The following ACTL8 variants were observed in gnomAD, a reference collection of about 807,000 sequenced individuals.
The protein encoded by ACTL8 is actin like 8.
In ACTL8, 3 loss-of-function variants were observed where a neutral mutation model predicts 9.3. That is an observed-to-expected ratio of 0.32 (90% CI 0.15 to 0.83). ACTL8 has a LOEUF of 0.83. ACTL8 is among the 40% of genes least tolerant of loss of function. The pLI, the probability that ACTL8 is intolerant of heterozygous loss-of-function variation, is 0.57. For missense variants in ACTL8, 381 were observed against 492.2 expected, an observed-to-expected ratio of 0.77 and a Z score of 2.14; for synonymous variants, 224 against 205.9, an observed-to-expected ratio of 1.09 and a Z score of -0.75.
intron 1 of ACTL8, among the ~76,000 whole-genome samples, chr1:17,805,377 C>CTTTTTCT (rs2066352200): frequency 1.0e-5 from 1 of 100,196 alleles, no homozygotes; most frequent in Non-Finnish European, 2.0e-5. Flanking sequence ...TTTTCTTTTT[C>CTTTTTCT]TTTTTTTTTT....
intron 1 of ACTL8, among the ~76,000 whole-genome samples, chr1:17,780,963 T>G (rs1210869431): frequency 6.6e-6 from 1 of 152,126 alleles, no homozygotes; most frequent in Non-Finnish European, 1.5e-5. Flanking sequence ...ATGACCACAA[T>G]CTGAATGGCT....
At chr1:17,757,919 G>A (rs922628182) in intron 1 of ACTL8, among the ~76,000 whole-genome samples, 1 of 152,196 alleles carries the variant, frequency 6.6e-6, no homozygotes, top group Non-Finnish European at 1.5e-5. Flanking sequence ...TGCAGTTAAT[G>A]AGGGTTGTGA....
At chr1:17,803,207 C>A (rs111263896) in intron 1 of ACTL8, among the ~76,000 whole-genome samples, 1 of 151,566 alleles carries the variant, frequency 6.6e-6, no homozygotes, top group Admixed American at 6.6e-5. Context: ...TCCCGCCCCC[C>A]CTTTTGCTCG....
Position 17,823,432 on chromosome 1 carries a change from A to G in ACTL8, c.348+76A>G. ...ACTATGTCTGGACTGATTGGGCACC[A>G]GGAATTCTGCTTTTTAAGATAAATT... is the stretch of plus-strand genomic sequence containing the variant. On this transcript the variant is annotated intron_variant, in intron 2 of 2. Transcript: ENST00000375406. This position sits in a 1 kb window ranked among gnomAD's most constrained non-coding sequence, Gnocchi z 5.3. The G allele has an allele frequency of 7.2e-7, 1 of 1,391,952 alleles. No individual in the cohort carries two copies. 86.2% of individuals were successfully genotyped at this position (1,391,952 alleles called of 1,614,324 possible).
At chr1:17,769,367 A>G (rs2066068826) in intron 1 of ACTL8, among the ~76,000 whole-genome samples, 1 of 152,202 alleles carries the variant, frequency 6.6e-6, no homozygotes, top group South Asian at 2.1e-4. Context: ...AAGAGCTGGT[A>G]CAAAGCTAGC....
intron 1 of ACTL8, among the ~76,000 whole-genome samples, chr1:17,763,417 G>T (rs1050224670): frequency 6.6e-6 from 1 of 152,104 alleles, no homozygotes; most frequent in African/African-American, 2.4e-5. Flanking sequence ...TGGCATCCCT[G>T]GTTCCCTCTT....
At chr1:17,778,396 T>C (rs114662906) in intron 1 of ACTL8, among the ~76,000 whole-genome samples, 1,617 of 152,052 alleles carry the variant, frequency 0.011, 19 homozygotes, top group African/African-American at 0.038. Flanking sequence ...GGGCCCAAGC[T>C]AAGCTGCTCC....
chr1:17,771,320 A>G (rs1328192086), intron 1 of ACTL8, among the ~76,000 whole-genome samples: 1 of 152,246 alleles, frequency 6.6e-6, no homozygotes, highest in Non-Finnish European at 1.5e-5. Context: ...ACATTTAAAA[A>G]TACAAAAACC....
chr1:17,756,393 G>C (rs930187163), intron 1 of ACTL8, among the ~76,000 whole-genome samples: 14 of 152,018 alleles, frequency 9.2e-5, no homozygotes, highest in Admixed American at 4.6e-4. Flanking sequence ...GATTCTTAGC[G>C]GGGGGTTGTT....
At chr1:17,822,522 G>T (rs1033761400) in intron 1 of ACTL8, among the ~76,000 whole-genome samples, 15 of 152,180 alleles carry the variant, frequency 9.9e-5, no homozygotes, top group African/African-American at 3.6e-4. Context: ...TGCTGCTGTT[G>T]CTATGACATT....
intron 1 of ACTL8, among the ~76,000 whole-genome samples, chr1:17,781,782 T>C (rs2066156635): frequency 6.6e-6 from 1 of 152,112 alleles, no homozygotes; most frequent in South Asian, 2.1e-4. Flanking sequence ...ATCCCATGCA[T>C]ACATTTCCCC....
chr1:17,774,950 T>C (rs1332349077), intron 1 of ACTL8, among the ~76,000 whole-genome samples: 8 of 152,170 alleles, frequency 5.3e-5, no homozygotes, highest in African/African-American at 1.2e-4. Flanking sequence ...GTCATCTTCA[T>C]TTACCTGATT....
intron 1 of ACTL8, among the ~76,000 whole-genome samples, chr1:17,812,023 A>T (rs12136011): frequency 0.49 from 73,453 of 151,176 alleles, 18,250 homozygotes; most frequent in East Asian, 0.68. Flanking sequence ...TAATTTTTTT[A>T]TTTTTTGTAT....
Position 17,826,750 on chromosome 1 carries a change from G to T in ACTL8, c.*231G>T, listed in dbSNP as rs1375622880. The stretch of plus-strand genomic sequence containing the variant: ...ATCCTTGGAAACCCTGCAGGGGACA[G>T]TTTTTCCAGGGTGGCCTATCATTGG... On this transcript the variant is annotated 3_prime_UTR_variant, in exon 3 of 3. Coordinates refer to ENST00000375406, the MANE Select transcript of ACTL8 (RefSeq NM_030812.3). This position sits in a 1 kb window ranked among gnomAD's most constrained non-coding sequence, Gnocchi z 4.5. The T allele has an allele frequency of 2.5e-6, 1 of 393,248 alleles. No homozygotes were observed. The highest frequency in any genetic ancestry group is 3.8e-5 in the East Asian group (1 of 25,978). 24.4% of individuals were successfully genotyped at this position (393,248 alleles called of 1,614,324 possible). A position where few individuals can be genotyped will look rare whatever the true frequency, so the allele number is the denominator to read the frequency against.
chr1:17,817,950 C>T (rs1011642364), intron 1 of ACTL8, among the ~76,000 whole-genome samples: 1 of 152,190 alleles, frequency 6.6e-6, no homozygotes, highest in African/African-American at 2.4e-5. Context: ...GATCCACCTG[C>T]CTTGGCCTTC....
At chr1:17,816,548 G>A (rs1232314772) in intron 1 of ACTL8, among the ~76,000 whole-genome samples, 1 of 152,210 alleles carries the variant, frequency 6.6e-6, no homozygotes, top group East Asian at 1.9e-4. Context: ...TGAGCATTAT[G>A]CTGTGAGACT....
intron 1 of ACTL8, among the ~76,000 whole-genome samples, chr1:17,780,165 G>A (rs1239891258): frequency 2.0e-5 from 3 of 152,096 alleles, no homozygotes; most frequent in South Asian, 2.1e-4. Flanking sequence ...CTGTGATTGC[G>A]CCACTGCACT....
chr1:17,813,295 A>G (rs1345233255), intron 1 of ACTL8, among the ~76,000 whole-genome samples: 1 of 152,212 alleles, frequency 6.6e-6, no homozygotes, highest in Non-Finnish European at 1.5e-5. Context: ...TCTCTTTATT[A>G]GGATAAGGAA....
chr1:17,769,001 A>G (rs1037017701), intron 1 of ACTL8, among the ~76,000 whole-genome samples: 3 of 152,136 alleles, frequency 2.0e-5, no homozygotes, highest in African/African-American at 7.2e-5. Context: ...TGATGCTGCT[A>G]TTTCCCTTTT....
Sources: allele counts gnomAD v4.1 joint callset (sites outside exome capture counted in the v4.1 genomes callset), GRCh38; gene constraint gnomAD v4.1.1; non-coding constraint Gnocchi (gnomAD v3.1); transcripts MANE v1.5; gene names NCBI Gene and HGNC (gene_info 2026-07-23, HGNC 2026-07-21).